The following FAT3 variants were observed in gnomAD, a reference collection of about 807,000 sequenced individuals.
FAT3 encodes the protein FAT atypical cadherin 3.
Under a neutral mutation model 310.2 loss-of-function variants are expected in FAT3, and 95 were observed. That is an observed-to-expected ratio of 0.31 (90% CI 0.26 to 0.36). The LOEUF is 0.36. Ranked by LOEUF, FAT3 falls within the 10% of genes least tolerant of loss-of-function variation. The probability of loss-of-function intolerance (pLI) is 1.00; values close to 1 mark genes in which losing one functional copy is unlikely to be tolerated. For missense variants in FAT3, 5,408 were observed against 5,715.6 expected (o/e 0.95, Z 1.74); for synonymous variants, 2,314 against 2,192.9 (o/e 1.06, Z -1.54).
At chr11:92,796,112 G>T (rs1947166276) in intron 9 of FAT3, among the ~76,000 whole-genome samples, 1 of 152,080 alleles carries the variant, frequency 6.6e-6, no homozygotes, top group Admixed American at 6.5e-5. Context: ...GCATGTTGGT[G>T]CCATCACTGG....
chr11:92,699,218 T>G lies in FAT3; in HGVS notation c.3669+1773T>G, dbSNP rs1171192138. Among the ~76,000 whole-genome samples the G allele has an allele frequency of 5.9e-5, 9 of 152,126 alleles. No homozygotes were observed. In the East Asian group the frequency reaches 1.7e-3, roughly 29 times the overall value. ...AATGCTTGGGAAGGGGTGGGAAGTATGAAGAGAAGTTAATAAATTAGTACA... is the reference window on the plus strand; with the variant it reads ...AATGCTTGGGAAGGGGTGGGAAGTAGGAAGAGAAGTTAATAAATTAGTACA... On this transcript the variant is annotated intron_variant, in intron 4 of 27. Coordinates refer to ENST00000525166, the MANE Select transcript of FAT3 (RefSeq NM_001367949.2).
At position 92,879,898 on chromosome 11, in the gene FAT3, A is replaced by G. The variant is rs61901491; in HGVS notation, c.12128-833A>G. ...TAGTGGACAAAATAAAACTTGTAGA[A>G]CTGCCTTCCTCTTTACTATGTGCAT... is the stretch of plus-strand genomic sequence containing the variant. On this transcript the variant is annotated intron_variant, in intron 22 of 27. Transcript: ENST00000525166. Among the ~76,000 whole-genome samples, 1,275 of 152,288 alleles carry G rather than the reference A, an allele frequency of 8.4e-3. 6 individuals carry two copies. Among genetic ancestry groups the G allele is most frequent in the Non-Finnish European group, 0.013 (890 of 68,022 alleles).
intron 2 of FAT3, among the ~76,000 whole-genome samples, chr11:92,483,946 A>G (rs1395413902): frequency 6.6e-6 from 1 of 152,196 alleles, no homozygotes; most frequent in Non-Finnish European, 1.5e-5. Flanking sequence ...ATTTCCCACT[A>G]GATTGCCCAC....
At chr11:92,490,088 C>G (rs150851886) in intron 2 of FAT3, among the ~76,000 whole-genome samples, 1 of 152,030 alleles carries the variant, frequency 6.6e-6, no homozygotes, top group African/African-American at 2.4e-5. Flanking sequence ...TGGCTTATTC[C>G]TTCATCTGAT....
Position 92,498,401 on chromosome 11 carries a change from A to T in FAT3, c.3293-26233A>T. On this transcript the variant is annotated intron_variant, in intron 2 of 27. Coordinates refer to ENST00000525166, the MANE Select transcript of FAT3 (RefSeq NM_001367949.2). ...ATTTATTGACCATTTCTTTCAAATT[A>T]TTTGTCTGTACCTCTCAGGTCATGA... 1.9e-5 allele frequency: 4 copies of T among 212,404 alleles called. No homozygotes were observed. The South Asian group carries it at 3.6e-4, about 19-fold the overall frequency. The allele number at this position is 212,404 out of a possible 1,614,324, so 13.2% of individuals were successfully genotyped here. A position where few individuals can be genotyped will look rare whatever the true frequency, so the allele number is the denominator to read the frequency against.
intron 3 of FAT3, among the ~76,000 whole-genome samples, chr11:92,696,874 T>C (rs1943955431): frequency 6.6e-6 from 1 of 152,204 alleles, no homozygotes; most frequent in African/African-American, 2.4e-5. Context: ...CTTTTGTGTG[T>C]AAGTTATTAA....
At chr11:92,325,962 T>G (rs939489011) in intron 1 of FAT3, among the ~76,000 whole-genome samples, 1 of 152,206 alleles carries the variant, frequency 6.6e-6, no homozygotes, top group Non-Finnish European at 1.5e-5. Flanking sequence ...ATGTGTATAT[T>G]TCTTTTATGC....
intron 3 of FAT3, among the ~76,000 whole-genome samples, chr11:92,696,504 C>T (rs187136028): frequency 1.3e-5 from 2 of 152,146 alleles, no homozygotes; most frequent in African/African-American, 2.4e-5. Context: ...ACTGGGATCA[C>T]GCTTTTCATA....
intron 1 of FAT3, among the ~76,000 whole-genome samples, chr11:92,254,126 C>T (rs1591011675): frequency 6.6e-6 from 1 of 152,110 alleles, no homozygotes; most frequent in East Asian, 1.9e-4. Flanking sequence ...CTTGCATCAT[C>T]CTCTCGTTCT....
intron 3 of FAT3, among the ~76,000 whole-genome samples, chr11:92,609,440 A>C (rs1359985293): frequency 6.6e-6 from 1 of 152,204 alleles, no homozygotes. Context: ...ATTAGTTTGC[A>C]TGTTAGCCTA....
intron 2 of FAT3, among the ~76,000 whole-genome samples, chr11:92,404,867 T>C (rs1466387925): frequency 6.6e-6 from 1 of 152,012 alleles, no homozygotes; most frequent in Non-Finnish European, 1.5e-5. Context: ...GGGACATCTA[T>C]CTTCTCCTAC....
At chr11:92,241,336 G>A (rs1305314444) in intron 1 of FAT3, among the ~76,000 whole-genome samples, 1 of 152,040 alleles carries the variant, frequency 6.6e-6, no homozygotes, top group Non-Finnish European at 1.5e-5. Context: ...AGGCACCTCA[G>A]CAAATGGAGT....
intron 2 of FAT3, among the ~76,000 whole-genome samples, chr11:92,378,059 G>A (rs543992088): frequency 6.6e-6 from 1 of 152,100 alleles, no homozygotes; most frequent in Non-Finnish European, 1.5e-5. Flanking sequence ...GCCATTTAAG[G>A]TGGTGTCAAA....
chr11:92,814,922 G>T (rs746617510), intron 13 of FAT3, among the ~76,000 whole-genome samples: 2 of 152,184 alleles, frequency 1.3e-5, no homozygotes, highest in African/African-American at 2.4e-5. Flanking sequence ...TCCACAGTCA[G>T]GGGTAGGAAC....
chr11:92,605,039 A>C (rs1229187402), intron 3 of FAT3, among the ~76,000 whole-genome samples: 1 of 152,190 alleles, frequency 6.6e-6, no homozygotes, highest in East Asian at 1.9e-4. Flanking sequence ...TCAGTGTATA[A>C]ATCTAAAACA....
intron 3 of FAT3, among the ~76,000 whole-genome samples, chr11:92,637,702 C>T (rs938277535): frequency 6.6e-6 from 1 of 152,030 alleles, no homozygotes; most frequent in African/African-American, 2.4e-5. Context: ...TTATGAAGAT[C>T]TCCCAAGGAA....
intron 3 of FAT3, among the ~76,000 whole-genome samples, chr11:92,592,118 A>G (rs1033326802): frequency 5.3e-5 from 8 of 152,114 alleles, no homozygotes; most frequent in Non-Finnish European, 1.2e-4. Context: ...GATGGAGTAT[A>G]TAGGAACTCT....
At chr11:92,783,060 G>A (rs533503511) in intron 7 of FAT3, among the ~76,000 whole-genome samples, 1 of 152,180 alleles carries the variant, frequency 6.6e-6, no homozygotes, top group Non-Finnish European at 1.5e-5. Flanking sequence ...CCTCTTGGCA[G>A]TGAAAAAGGC....
At chr11:92,764,778 G>A in intron 5 of FAT3, 101 bp from the exon 6 acceptor site, 1 of 1,091,192 alleles carries the variant, frequency 9.2e-7, no homozygotes, top group Non-Finnish European at 1.3e-6. Flanking sequence ...CTGACACTGT[G>A]TTGAAGATGG....
Sources: gnomAD v4.1 joint callset for allele counts (sites outside exome capture counted in the v4.1 genomes callset) on GRCh38, gnomAD v4.1.1 for gene constraint, MANE v1.5 for transcripts, NCBI Gene and HGNC (gene_info 2026-07-23, HGNC 2026-07-21) for gene names.